ADCY9: variants seen among roughly 807,000 people sequenced by gnomAD.
ADCY9 encodes adenylate cyclase 9, also known as adenylate cyclase type 9.
Under a neutral mutation model 101.5 loss-of-function variants are expected in ADCY9, and 50 were observed. The observed-to-expected ratio is 0.49, with a 90% CI of 0.39 to 0.62. The LOEUF is 0.62. Ranked by LOEUF, ADCY9 falls within the 20% of genes least tolerant of loss-of-function variation. The probability of loss-of-function intolerance (pLI) is 0.00; values close to 1 mark genes in which losing one functional copy is unlikely to be tolerated. For missense variants in ADCY9, 1,662 were observed against 1,800.4 expected (o/e 0.92, Z 1.39); for synonymous variants, 905 against 769.3 (o/e 1.18, Z -2.92).
chr16:4,014,911 C>G (rs2056427804), intron 2 of ADCY9, among the ~76,000 whole-genome samples: 1 of 149,216 alleles, frequency 6.7e-6, no homozygotes, highest in Non-Finnish European at 1.5e-5. Flanking sequence ...CAGGCATCCC[C>G]TGAGTGACCA....
intron 3 of ADCY9, among the ~76,000 whole-genome samples, chr16:4,001,064 G>T (rs60246453): frequency 0.028 from 4,248 of 151,800 alleles, 192 homozygotes; most frequent in African/African-American, 0.096. Flanking sequence ...GGGAAAGACA[G>T]TTCAAGGACT....
chr16:3,992,098 G>C lies in ADCY9; in HGVS notation c.2207+48C>G. 6.4e-7 allele frequency: 1 copy of C among 1,562,652 alleles called. No homozygotes were observed. Among genetic ancestry groups the C allele is most frequent in the Non-Finnish European group, 8.8e-7 (1 of 1,136,710 alleles). On this transcript the variant is annotated intron_variant, in intron 5 of 10. Coordinates refer to ENST00000294016, the MANE Select transcript of ADCY9 (RefSeq NM_001116.4). The surrounding 1 kb of genome is among the most constrained non-coding windows in gnomAD (Gnocchi z 4.2). ...AGAAAAGAAAAGAAAAAGGCAGAGA[G>C]GCTTCTGCCTGCAACCTTTGCTTTT...
At chr16:4,093,751 G>T (rs1047596184) in intron 2 of ADCY9, among the ~76,000 whole-genome samples, 1 of 152,050 alleles carries the variant, frequency 6.6e-6, no homozygotes, top group African/African-American at 2.4e-5. Flanking sequence ...AGAGCCAGAC[G>T]CTGTCTCAAA....
chr16:4,073,908 G>A (rs940823483), intron 2 of ADCY9, among the ~76,000 whole-genome samples: 1 of 152,138 alleles, frequency 6.6e-6, no homozygotes, highest in African/African-American at 2.4e-5. Flanking sequence ...ATTTTCAAAA[G>A]TATTTTGAAA....
At chr16:3,961,652 C>T (rs192680370), downstream of ADCY9, among the ~76,000 whole-genome samples, 9 of 152,114 alleles carry the variant, frequency 5.9e-5, no homozygotes, top group Non-Finnish European at 1.2e-4. Context: ...AGTCCATGAG[C>T]AACCACCAGA....
At chr16:4,008,430 C>G (rs1045665669) in intron 2 of ADCY9, among the ~76,000 whole-genome samples, 3 of 152,114 alleles carry the variant, frequency 2.0e-5, no homozygotes, top group African/African-American at 7.2e-5. Flanking sequence ...GAAATCCATC[C>G]TTTGACTTCA....
downstream of ADCY9, among the ~76,000 whole-genome samples, chr16:3,958,938 G>C (rs1044721068): frequency 1.3e-5 from 2 of 151,102 alleles, no homozygotes; most frequent in Admixed American, 1.3e-4. Flanking sequence ...GCCTCCCAAA[G>C]TGCTGGGACC....
intron 7 of ADCY9, among the ~76,000 whole-genome samples, chr16:3,981,508 A>T (rs545452227): frequency 4.2e-4 from 56 of 132,510 alleles, no homozygotes; most frequent in Admixed American, 1.2e-3. Flanking sequence ...TGATATTCAT[A>T]CAATTCTTCA....
intron 2 of ADCY9, among the ~76,000 whole-genome samples, chr16:4,094,310 C>G (rs1447646006): frequency 6.6e-6 from 1 of 152,120 alleles, no homozygotes; most frequent in Admixed American, 6.6e-5. Context: ...TTTCACAACT[C>G]GGGTCTTTGT....
chr16:3,980,744 C>A (rs559865925), intron 7 of ADCY9, among the ~76,000 whole-genome samples: 1 of 152,344 alleles, frequency 6.6e-6, no homozygotes, highest in Admixed American at 6.5e-5. Context: ...CTTTGGAATA[C>A]TTCCAAGAAT....
Position 4,115,183 on chromosome 16 carries a change from G to C in ADCY9, c.260C>G (p.Ser87Cys), listed in dbSNP as rs775447524. ...GAACTTGGGGTCCCACCAGCGGCTG[G>C]AGGCCCTCTCGAACAGCTGGGGCAG... ...KKLPQLFERASSRWWDPKFDS... is the reference protein window; with the variant it reads ...KKLPQLFERACSRWWDPKFDS... Residue 87 changes from serine (S) to cysteine (C), a missense_variant, in exon 2 of 11, where the codon TCC (serine) becomes TGC (cysteine). Around this residue, in one of 5 missense-constraint regions of ADCY9, gnomAD observed 422 missense variants for 392.0 expected, o/e 1.08. Coordinates refer to ENST00000294016, the MANE Select transcript of ADCY9 (RefSeq NM_001116.4). This position sits in a 1 kb window ranked among gnomAD's most constrained non-coding sequence, Gnocchi z 6.2. The C allele has an allele frequency of 1.2e-6, 2 of 1,613,764 alleles. No individual in the cohort carries two copies. The highest frequency in any genetic ancestry group is 1.7e-6 in the Non-Finnish European group (2 of 1,179,994).
chr16:3,992,045 T>C lies in ADCY9; in HGVS notation c.2207+101A>G. ...AAGATCGCGCCACTGCACTGCAGCC[T>C]GGATGACAGAGCGAGACTCAGTCTT... On this transcript the variant is annotated intron_variant, in intron 5 of 10. Transcript: ENST00000294016. This position sits in a 1 kb window ranked among gnomAD's most constrained non-coding sequence, Gnocchi z 4.2. 1 of 1,208,290 alleles carries C rather than the reference T, an allele frequency of 8.3e-7. No individual in the cohort carries two copies. Among genetic ancestry groups the C allele is most frequent in the Non-Finnish European group, 1.2e-6 (1 of 854,698 alleles). 74.8% of individuals were successfully genotyped at this position (1,208,290 alleles called of 1,614,324 possible).
At chr16:4,024,911 C>A (rs1349437184) in intron 2 of ADCY9, among the ~76,000 whole-genome samples, 1 of 152,110 alleles carries the variant, frequency 6.6e-6, no homozygotes, top group East Asian at 1.9e-4. Flanking sequence ...GGTGGCCATA[C>A]CATGAAATCA....
Position 3,966,553 on chromosome 16 carries a change from A to G in ADCY9, c.3284T>C (p.Leu1095Pro), listed in dbSNP as rs2055998321. 6.2e-7 allele frequency: 1 copy of G among 1,613,926 alleles called. No individual in the cohort carries two copies. The highest frequency in any genetic ancestry group is 1.1e-5 in the South Asian group (1 of 91,082). ...LNELIGDFDE[L>P]LSKPDYSSIE... ...GCTGCTGTAGTCCGGCTTGCTTAGG[A>G]GCTCGTCAAAGTCCCCGATGAGCTC... Residue 1095 changes from leucine (L) to proline (P), a missense_variant, in exon 11 of 11, where the codon CTC (leucine) becomes CCC (proline). Coordinates refer to ENST00000294016, the MANE Select transcript of ADCY9 (RefSeq NM_001116.4).
chr16:4,093,332 G>C (rs1467927208), intron 2 of ADCY9, among the ~76,000 whole-genome samples: 1 of 152,188 alleles, frequency 6.6e-6, no homozygotes, highest in African/African-American at 2.4e-5. Flanking sequence ...TGGCTGATCA[G>C]AAAACTTAAT....
intron 2 of ADCY9, among the ~76,000 whole-genome samples, chr16:4,066,311 C>T (rs1224042203): frequency 2.0e-5 from 3 of 152,182 alleles, no homozygotes. Flanking sequence ...TGATATGCCA[C>T]TTCAAAGCTT....
intron 2 of ADCY9, among the ~76,000 whole-genome samples, chr16:4,102,412 T>C (rs1366899438): frequency 1.3e-5 from 2 of 152,048 alleles, no homozygotes; most frequent in African/African-American, 2.4e-5. Context: ...ACAAAGTTGA[T>C]GGTTGTTTCT....
chr16:4,043,087 C>T (rs1175275513), intron 2 of ADCY9, among the ~76,000 whole-genome samples: 4 of 151,948 alleles, frequency 2.6e-5, no homozygotes, highest in Admixed American at 6.6e-5. Flanking sequence ...AAAAATTAGC[C>T]GGGCGTGGTG....
chr16:4,008,362 G>A (rs1217157235), intron 2 of ADCY9, among the ~76,000 whole-genome samples: 5 of 152,140 alleles, frequency 3.3e-5, no homozygotes, highest in Non-Finnish European at 5.9e-5. Flanking sequence ...TGGCAAAGGA[G>A]CAGCTTTTCT....
Sources: gnomAD v4.1 joint callset for allele counts (sites outside exome capture counted in the v4.1 genomes callset) on GRCh38, gnomAD v4.1.1 for gene constraint, gnomAD v4.1.1 regional missense constraint, Gnocchi (gnomAD v3.1) non-coding constraint, MANE v1.5 for transcripts, NCBI Gene and HGNC (gene_info 2026-07-23, HGNC 2026-07-21) for gene names.